PCSK6: variants seen among roughly 807,000 people sequenced by gnomAD.
PCSK6 encodes the protein paired basic amino acid cleaving enzyme 4.
Under a neutral mutation model 123.3 loss-of-function variants are expected in PCSK6, and 85 were observed. The ratio of observed to expected loss-of-function variants is 0.69; its 90% CI spans 0.58 to 0.83. The LOEUF is 0.83. PCSK6 is among the 40% of genes least tolerant of loss of function. The pLI, the probability that PCSK6 is intolerant of heterozygous loss-of-function variation, is 0.00. For synonymous variants in PCSK6, 508 were observed against 516.0 expected, an observed-to-expected ratio of 0.98 and a Z score of 0.21; for missense variants, 1,191 against 1,282.3, an observed-to-expected ratio of 0.93 and a Z score of 1.09.
At chr15:101,364,884 C>T (rs768606461) in intron 13 of PCSK6, 6 of 615,822 alleles carry the variant, frequency 9.7e-6, no homozygotes, top group East Asian at 2.7e-5. Flanking sequence ...TTGGAGGACT[C>T]GCACTTTCTT....
At chr15:101,362,642 C>T (rs531528267) in intron 13 of PCSK6, among the ~76,000 whole-genome samples, 16 of 152,276 alleles carry the variant, frequency 1.1e-4, no homozygotes, top group Admixed American at 8.5e-4. Context: ...CGCTGTGTGC[C>T]GGGCCCTGCT....
chr15:101,451,204 G>A (rs2057025592), intron 1 of PCSK6, among the ~76,000 whole-genome samples: 1 of 152,006 alleles, frequency 6.6e-6, no homozygotes, highest in Non-Finnish European at 1.5e-5. Context: ...GAGGAATGGA[G>A]GAGGAAAGCC....
rs143954673 is a variant in PCSK6, at chr15:101,441,848, C to T, written c.402+1708G>A. 3.3e-3 allele frequency among the ~76,000 whole-genome samples: 507 copies of T among 152,322 alleles called. 3 individuals carry two copies. Among genetic ancestry groups the T allele is most frequent in the African/African-American group, 0.011 (467 of 41,584 alleles). On this transcript the variant is annotated intron_variant, in intron 2 of 21. Coordinates refer to ENST00000611716, the MANE Select transcript of PCSK6 (RefSeq NM_002570.5). Reference sequence around the variant, plus strand: ...AGAATGAGGATGTTTCTTCACACGGCAGATCAAGTGCTTGCTTAAAGTGAA... The same window carrying T: ...AGAATGAGGATGTTTCTTCACACGGTAGATCAAGTGCTTGCTTAAAGTGAA...
chr15:101,401,825 GTGAAAATGGCCATAC>G (rs1555455103), intron 6 of PCSK6, among the ~76,000 whole-genome samples: 2 of 152,142 alleles, frequency 1.3e-5, no homozygotes, highest in Non-Finnish European at 2.9e-5. Context: ...TATCAATATT[GTGAAAATGGCCATAC>G]TGCCCAAGGT....
intron 6 of PCSK6, among the ~76,000 whole-genome samples, chr15:101,425,856 C>T (rs1264002747): frequency 2.0e-5 from 3 of 152,154 alleles, no homozygotes; most frequent in Non-Finnish European, 4.4e-5. Context: ...GATCTTTATG[C>T]ATGTTACTTC....
At chr15:101,461,224 A>G (rs1163610199) in intron 1 of PCSK6, among the ~76,000 whole-genome samples, 1 of 152,214 alleles carries the variant, frequency 6.6e-6, no homozygotes, top group African/African-American at 2.4e-5. Flanking sequence ...ATAAGGAAAC[A>G]CTACCAATGC....
intron 2 of PCSK6, among the ~76,000 whole-genome samples, chr15:101,437,659 C>T (rs141645919): frequency 1.2e-3 from 182 of 152,268 alleles, no homozygotes; most frequent in Admixed American, 8.2e-3. Flanking sequence ...CTCGCTCTGC[C>T]GATGACGGAA....
intron 6 of PCSK6, 30 bp downstream of exon 6, chr15:101,427,862 C>T (rs73481281): frequency 1.9e-5 from 29 of 1,518,936 alleles, no homozygotes; most frequent in Middle Eastern, 3.5e-4. Context: ...CCAGGCCCCT[C>T]GGCTCGCAGG....
At chr15:101,406,201 C>T (rs2042773222) in intron 6 of PCSK6, among the ~76,000 whole-genome samples, 1 of 100,732 alleles carries the variant, frequency 9.9e-6, no homozygotes, top group Non-Finnish European at 2.1e-5. Context: ...GAAGAACACA[C>T]CCACAAGCCC....
intron 19 of PCSK6, among the ~76,000 whole-genome samples, chr15:101,317,603 C>T (rs2040020797): frequency 2.0e-5 from 3 of 152,188 alleles, no homozygotes; most frequent in South Asian, 4.1e-4. Flanking sequence ...TGGATCCATT[C>T]CCGCCTCTCC....
intron 11 of PCSK6, among the ~76,000 whole-genome samples, chr15:101,371,456 TAACA>T (rs891696989): frequency 1.1e-4 from 17 of 152,188 alleles, no homozygotes; most frequent in Non-Finnish European, 2.2e-4. Context: ...TTAAATGTTT[TAACA>T]AACAAACAAA....
chr15:101,387,454 A>T (rs1368644605), intron 9 of PCSK6, among the ~76,000 whole-genome samples: 4 of 152,222 alleles, frequency 2.6e-5, no homozygotes, highest in Non-Finnish European at 5.9e-5. Context: ...TGGAGGACAG[A>T]ATGGGTCCAG....
At chr15:101,387,696 G>T (rs1308703990) in intron 9 of PCSK6, among the ~76,000 whole-genome samples, 1 of 152,254 alleles carries the variant, frequency 6.6e-6, no homozygotes, top group African/African-American at 2.4e-5. Flanking sequence ...GCCCCACGCT[G>T]TCTGGGGGCC....
intron 6 of PCSK6, among the ~76,000 whole-genome samples, chr15:101,420,906 G>T (rs2056063438): frequency 6.6e-6 from 1 of 152,186 alleles, no homozygotes. Flanking sequence ...TGCACCTGAA[G>T]GCAACACACC....
intron 1 of PCSK6, among the ~76,000 whole-genome samples, chr15:101,450,260 A>T (rs2141172307): frequency 6.6e-6 from 1 of 151,510 alleles, no homozygotes; most frequent in Middle Eastern, 3.4e-3. Flanking sequence ...TGTCTCGGAG[A>T]ATACACGACC....
intron 15 of PCSK6, among the ~76,000 whole-genome samples, chr15:101,329,441 CA>C (rs1295043626): frequency 1.3e-5 from 2 of 152,344 alleles, no homozygotes; most frequent in African/African-American, 4.8e-5. Context: ...TAATTGCAGA[CA>C]AGAGGTGCCC....
chr15:101,457,488 A>T (rs2057218517), intron 1 of PCSK6, among the ~76,000 whole-genome samples: 1 of 152,262 alleles, frequency 6.6e-6, no homozygotes, highest in Non-Finnish European at 1.5e-5. Context: ...GGGTTTTTTC[A>T]TAGTATTTCT....
chr15:101,429,905 T>C (rs556057001), intron 5 of PCSK6, 82 bp downstream of exon 5: 13 of 1,249,042 alleles, frequency 1.0e-5, no homozygotes, highest in Middle Eastern at 2.2e-4. Context: ...CCACCGCCTC[T>C]CCAGCTCCCT....
intron 13 of PCSK6, among the ~76,000 whole-genome samples, chr15:101,342,151 A>G (rs1319450567): frequency 6.8e-6 from 1 of 147,992 alleles, no homozygotes; most frequent in Non-Finnish European, 1.5e-5. Context: ...AAAAAAAAAA[A>G]AAGAAGATTG....
Sources: allele counts gnomAD v4.1 joint callset (sites outside exome capture counted in the v4.1 genomes callset), GRCh38; gene constraint gnomAD v4.1.1; transcripts MANE v1.5; gene names NCBI Gene and HGNC (gene_info 2026-07-23, HGNC 2026-07-21).